TRIQK: variants seen among roughly 807,000 people sequenced by gnomAD.
The protein encoded by TRIQK is triple QxxK/R motif-containing protein.
Under a neutral mutation model 10.8 loss-of-function variants are expected in TRIQK, and 10 were observed. The ratio of observed to expected loss-of-function variants is 0.92; its 90% CI spans 0.57 to 1.57. The LOEUF (loss-of-function observed/expected upper bound fraction) is 1.57. TRIQK is among the 40% of genes most tolerant of loss of function. The pLI, the probability that TRIQK is intolerant of heterozygous loss-of-function variation, is 0.00. For synonymous variants in TRIQK, 33 were observed against 33.7 expected, an observed-to-expected ratio of 0.98 and a Z score of 0.07; for missense variants, 107 against 97.7, an observed-to-expected ratio of 1.09 and a Z score of -0.40.
intron 1 of TRIQK, among the ~76,000 whole-genome samples, chr8:92,992,038 C>T (rs757317182): frequency 1.3e-5 from 2 of 152,144 alleles, no homozygotes; most frequent in Non-Finnish European, 2.9e-5. Flanking sequence ...GCACTCCAGC[C>T]TGGGTGACTG....
At chr8:92,945,477 C>T (rs1385955973) in intron 2 of TRIQK, among the ~76,000 whole-genome samples, 1 of 152,152 alleles carries the variant, frequency 6.6e-6, no homozygotes, top group Non-Finnish European at 1.5e-5. Flanking sequence ...TGAGCTTTGA[C>T]CAATGTGAAA....
rs1810144653 is a variant in TRIQK, at chr8:92,920,892, A to G, written c.-21-3882T>C. Among the ~76,000 whole-genome samples the G allele has an allele frequency of 2.0e-5, 3 of 151,422 alleles. No homozygotes were observed. The Admixed American group carries it at 2.0e-4, about 10-fold the overall frequency. The stretch of plus-strand genomic sequence containing the variant: ...AGTACCCAAGGAAGGCAAACTCTAT[A>G]GAGTTTATAACATCCACTTCACACA... On this transcript the variant is annotated intron_variant, in intron 2 of 4. Transcript: ENST00000521988.
At chr8:92,977,182 T>G (rs1403735737) in intron 1 of TRIQK, among the ~76,000 whole-genome samples, 1 of 152,040 alleles carries the variant, frequency 6.6e-6, no homozygotes, top group African/African-American at 2.4e-5. Context: ...GGTGATGAAG[T>G]CTTTCACCTT....
intron 1 of TRIQK, chr8:92,973,025 C>G (rs1396914019): frequency 6.6e-6 from 1 of 152,144 alleles, no homozygotes; most frequent in East Asian, 1.9e-4. Flanking sequence ...GTTCATGGTG[C>G]CTCGTGAGCA....
intron 1 of TRIQK, among the ~76,000 whole-genome samples, chr8:92,972,169 T>C (rs565744291): frequency 9.2e-5 from 14 of 152,196 alleles, no homozygotes; most frequent in Non-Finnish European, 1.6e-4. Context: ...GCTCTATCTC[T>C]TGTATACAAT....
intron 3 of TRIQK, among the ~76,000 whole-genome samples, chr8:92,907,629 T>G (rs1809345206): frequency 6.6e-6 from 1 of 152,170 alleles, no homozygotes; most frequent in Admixed American, 6.6e-5. Context: ...AAATTCATAA[T>G]TTTTACTTGC....
intron 1 of TRIQK, among the ~76,000 whole-genome samples, chr8:92,982,737 A>G (rs1183124095): frequency 6.6e-6 from 1 of 152,068 alleles, no homozygotes; most frequent in Admixed American, 6.6e-5. Flanking sequence ...ATATGCAACC[A>G]TCTTCTGCTT....
At chr8:92,955,893 T>C (rs1333332493) in intron 1 of TRIQK, among the ~76,000 whole-genome samples, 2 of 151,712 alleles carry the variant, frequency 1.3e-5, no homozygotes, top group Admixed American at 1.3e-4. Context: ...CCTAGTAGGA[T>C]GGCTATTTTA....
intron 2 of TRIQK, among the ~76,000 whole-genome samples, chr8:92,940,719 T>C (rs2130606181): frequency 6.6e-6 from 1 of 152,274 alleles, no homozygotes; most frequent in East Asian, 1.9e-4. Flanking sequence ...GGACAGATCA[T>C]GCAGACAGAG....
At chr8:92,993,708 A>G (rs1563674387) in intron 1 of TRIQK, among the ~76,000 whole-genome samples, 1 of 152,216 alleles carries the variant, frequency 6.6e-6, no homozygotes, top group Non-Finnish European at 1.5e-5. Flanking sequence ...TTATGATGGT[A>G]TTAGCCTTGA....
chr8:92,964,433 T>C (rs1812623590), intron 1 of TRIQK, among the ~76,000 whole-genome samples: 1 of 148,276 alleles, frequency 6.7e-6, no homozygotes, highest in Non-Finnish European at 1.5e-5. Flanking sequence ...AAAGGTAATG[T>C]TTCCCAATCT....
intron 1 of TRIQK, among the ~76,000 whole-genome samples, chr8:93,009,878 C>G (rs1813314168): frequency 2.0e-5 from 3 of 152,020 alleles, no homozygotes; most frequent in African/African-American, 4.8e-5. Flanking sequence ...TGGAATCAAC[C>G]TAAGTGTCCA....
chr8:92,981,941 G>T lies in TRIQK; in HGVS notation c.-180-27377C>A, dbSNP rs182870648. Among the ~76,000 whole-genome samples, 3 of 151,840 alleles carry T rather than the reference G, an allele frequency of 2.0e-5. No homozygotes were observed. The East Asian group carries it at 5.8e-4, about 29-fold the overall frequency. On this transcript the variant is annotated intron_variant, in intron 1 of 4. Coordinates refer to the TRIQK transcript ENST00000520686. ...AAAGAGAGGGTGGAGCATTTACCTA[G>T]TGTGCCACTGTAGCATTTTTAGACT... is the stretch of plus-strand genomic sequence containing the variant.
rs575214140 is a variant in TRIQK at position 92,893,038 on chromosome 8, C to G, written c.62-964G>C. Among the ~76,000 whole-genome samples, 3 of 151,850 alleles carry G rather than the reference C, an allele frequency of 2.0e-5. No individual in the cohort carries two copies. In the East Asian group the frequency reaches 5.8e-4, roughly 29 times the overall value. On this transcript the variant is annotated intron_variant, in intron 3 of 4. Transcript: ENST00000521988. ...ATTTTGTTTTATTTTCATCTTTTCC[C>G]CTTCCTTTCGATGACCAGTTCCTTT...
At chr8:92,905,703 T>C (rs752653138) in intron 3 of TRIQK, among the ~76,000 whole-genome samples, 10 of 152,178 alleles carry the variant, frequency 6.6e-5, no homozygotes, top group Non-Finnish European at 1.3e-4. Flanking sequence ...CTCTATCTCT[T>C]GGAGTCTATG....
intron 2 of TRIQK, among the ~76,000 whole-genome samples, chr8:92,923,391 C>T (rs369168970): frequency 2.0e-5 from 3 of 151,644 alleles, no homozygotes; most frequent in East Asian, 3.9e-4. Context: ...ATGTACAATA[C>T]CAAGATTGTT....
At chr8:92,911,140 G>C (rs1228346608) in intron 3 of TRIQK, among the ~76,000 whole-genome samples, 5 of 151,080 alleles carry the variant, frequency 3.3e-5, no homozygotes, top group Non-Finnish European at 5.9e-5. Context: ...AGTAAGAGTG[G>C]AGCTTTTGAA....
At position 92,951,460 on chromosome 8, in the gene TRIQK, T is replaced by G. The variant is rs1466503223; in HGVS notation, c.-22+2946A>C. 2.0e-5 allele frequency among the ~76,000 whole-genome samples: 3 copies of G among 152,082 alleles called. No homozygotes were observed. The East Asian group carries it at 5.8e-4, about 29-fold the overall frequency. Reference sequence around the variant, plus strand: ...TCACAGCTTACCAGACAGAAACCCGTGAGAGGAAATCGTCACAGGAACCAG... The same window carrying G: ...TCACAGCTTACCAGACAGAAACCCGGGAGAGGAAATCGTCACAGGAACCAG... On this transcript the variant is annotated intron_variant, in intron 2 of 4. Coordinates refer to ENST00000521988, the MANE Select transcript of TRIQK (RefSeq NM_001171797.2).
rs1012008798 is a variant in TRIQK at position 92,919,035 on chromosome 8, G to A, written c.-21-2025C>T. Among the ~76,000 whole-genome samples the A allele has an allele frequency of 4.6e-5, 7 of 151,730 alleles. No homozygotes were observed. In the East Asian group the frequency reaches 5.8e-4, roughly 13 times the overall value. Reference sequence around the variant, plus strand: ...TTTATAAAAAATGAGTAGACTCTAAGTGTGTGGATTTAGTTCCGGGTTCTC... The same window carrying A: ...TTTATAAAAAATGAGTAGACTCTAAATGTGTGGATTTAGTTCCGGGTTCTC... On this transcript the variant is annotated intron_variant, in intron 2 of 4. Coordinates refer to ENST00000521988, the MANE Select transcript of TRIQK (RefSeq NM_001171797.2).
Sources: gnomAD v4.1 joint callset for allele counts (sites outside exome capture counted in the v4.1 genomes callset) on GRCh38, gnomAD v4.1.1 for gene constraint, MANE v1.5 for transcripts, NCBI Gene and HGNC (gene_info 2026-07-23, HGNC 2026-07-21) for gene names.